The following WDR27 variants were observed in gnomAD, a reference collection of about 807,000 sequenced individuals.
WDR27 encodes the protein WD repeat-containing protein 27.
In WDR27, 100 loss-of-function variants were observed where a neutral mutation model predicts 114.4. That is an observed-to-expected ratio of 0.87 (90% CI 0.74 to 1.03). The LOEUF (loss-of-function observed/expected upper bound fraction) is 1.03, where lower values mean the gene tolerates loss of function less well. Among genes scored for constraint, WDR27 ranks in the 50% least tolerant of loss-of-function variants. WDR27 has a pLI of 0.00. For missense variants in WDR27, 1,129 were observed against 1,092.9 expected (o/e 1.03, Z -0.47); for synonymous variants, 449 against 423.1 (o/e 1.06, Z -0.75).
At chr6:169,427,039 A>C in the WDR27 span, 1 of 152,318 alleles carries the variant, frequency 6.6e-6, no homozygotes, top group East Asian at 1.9e-4. Flanking sequence ...CAGATGAGGA[A>C]GAAATCAGCA....
Position 169,701,708 on chromosome 6 carries a change from G to T in WDR27, c.-165C>A. ...AGGAGGCTTCGGGTGACGAGACAGC[G>T]GGCAACGGCTCTGGTCCAGAGCGCG... is the stretch of plus-strand genomic sequence containing the variant. On this transcript the variant is annotated 5_prime_UTR_variant, in exon 1 of 26. Coordinates refer to ENST00000448612, the MANE Select transcript of WDR27 (RefSeq NM_182552.5). 5.5e-6 allele frequency: 1 copy of T among 181,210 alleles called. No homozygotes were observed. Among genetic ancestry groups the T allele is most frequent in the South Asian group, 8.8e-5 (1 of 11,408 alleles). 11.2% of individuals were successfully genotyped at this position (181,210 alleles called of 1,614,324 possible). A position where few individuals can be genotyped will look rare whatever the true frequency, so the allele number is the denominator to read the frequency against.
chr6:169,529,315 G>GA (rs1007725384), intron 25 of WDR27, among the ~76,000 whole-genome samples: 1 of 94,788 alleles, frequency 1.1e-5, no homozygotes, highest in African/African-American at 7.2e-5. Flanking sequence ...ACCTCTGCGG[G>GA]GGGGGGGGGC....
At chr6:169,429,616 C>T in the WDR27 span, among the ~76,000 whole-genome samples, 1 of 152,124 alleles carries the variant, frequency 6.6e-6, no homozygotes, top group African/African-American at 2.4e-5. Context: ...TCCATCCTGG[C>T]CTCCTTTCTT....
intron 3 of WDR27, chr6:169,671,021 C>A: frequency 4.4e-6 from 1 of 225,350 alleles, no homozygotes; most frequent in Non-Finnish European, 8.7e-6. Context: ...ACATCCAACC[C>A]CATGTCCACC....
At chr6:169,536,649 G>T (rs983509585) in intron 25 of WDR27, among the ~76,000 whole-genome samples, 2 of 152,170 alleles carry the variant, frequency 1.3e-5, no homozygotes, top group African/African-American at 4.8e-5. Context: ...AAGCCAAGAA[G>T]TTTTCTAGGC....
At chr6:169,460,008 G>A (rs1441351560) in intron 25 of WDR27, among the ~76,000 whole-genome samples, 2 of 152,080 alleles carry the variant, frequency 1.3e-5, no homozygotes, top group Non-Finnish European at 2.9e-5. Context: ...GAATTTGAAG[G>A]TGTATGAAAA....
intron 22 of WDR27, among the ~76,000 whole-genome samples, chr6:169,608,796 G>A (rs1809837327): frequency 6.6e-6 from 1 of 152,112 alleles, no homozygotes; most frequent in African/African-American, 2.4e-5. Context: ...ACTCATTTCA[G>A]CATTAACCCA....
chr6:169,572,883 A>G (rs1801684825), intron 24 of WDR27, among the ~76,000 whole-genome samples: 1 of 152,228 alleles, frequency 6.6e-6, no homozygotes, highest in Non-Finnish European at 1.5e-5. Context: ...CACTACTTAT[A>G]GTACCAAAAT....
chr6:169,482,467 A>T (rs955402704), intron 25 of WDR27, among the ~76,000 whole-genome samples: 1 of 152,178 alleles, frequency 6.6e-6, no homozygotes, highest in Non-Finnish European at 1.5e-5. Flanking sequence ...TCTGACTGGT[A>T]TGAGATGGTA....
chr6:169,546,269 C>A (rs1797447191), intron 25 of WDR27, among the ~76,000 whole-genome samples: 1 of 152,194 alleles, frequency 6.6e-6, no homozygotes, highest in Non-Finnish European at 1.5e-5. Context: ...CAACTGCATA[C>A]CTAATTTGCC....
At chr6:169,516,830 CA>C (rs1424754009) in intron 25 of WDR27, among the ~76,000 whole-genome samples, 4 of 151,522 alleles carry the variant, frequency 2.6e-5, no homozygotes, top group Non-Finnish European at 4.4e-5. Flanking sequence ...CACACACACA[CA>C]CACACCCCTC....
At chr6:169,642,581 C>T (rs572116529) in intron 17 of WDR27, among the ~76,000 whole-genome samples, 75 of 152,284 alleles carry the variant, frequency 4.9e-4, no homozygotes, top group African/African-American at 1.7e-3. Context: ...AGGCCAAGCC[C>T]GGAGAACCGT....
intron 23 of WDR27, among the ~76,000 whole-genome samples, chr6:169,592,745 G>A (rs1193911616): frequency 2.0e-5 from 3 of 152,108 alleles, no homozygotes; most frequent in Non-Finnish European, 4.4e-5. Context: ...GAACATTCTG[G>A]CTCTGTTCCC....
At chr6:169,649,675 G>A (rs1821735428) in intron 14 of WDR27, among the ~76,000 whole-genome samples, 1 of 151,896 alleles carries the variant, frequency 6.6e-6, no homozygotes. Flanking sequence ...TCCATACAAA[G>A]CTGCAGATGC....
At chr6:169,641,621 G>A (rs1388836565) in intron 17 of WDR27, among the ~76,000 whole-genome samples, 9 of 152,178 alleles carry the variant, frequency 5.9e-5, no homozygotes, top group Non-Finnish European at 1.5e-5. Flanking sequence ...GGCCGGCGTG[G>A]GCAGTCCCCG....
chr6:169,648,633 C>T (rs923567433), intron 15 of WDR27, among the ~76,000 whole-genome samples: 7 of 152,224 alleles, frequency 4.6e-5, no homozygotes, highest in Non-Finnish European at 7.3e-5. Flanking sequence ...GACCCATGTA[C>T]GTTAAAATGA....
chr6:169,693,394 T>TA (rs1222087484), intron 1 of WDR27, among the ~76,000 whole-genome samples: 1 of 152,162 alleles, frequency 6.6e-6, no homozygotes. Flanking sequence ...CCTTAAAACG[T>TA]AAATCTCACA....
chr6:169,670,213 A>G (rs1056853443), intron 4 of WDR27: 11 of 167,086 alleles, frequency 6.6e-5, no homozygotes, highest in Non-Finnish European at 1.3e-4. Context: ...CTGATTCTTG[A>G]TGAAAAGAAC....
At chr6:169,465,000 TA>T (rs1197716007) in intron 25 of WDR27, among the ~76,000 whole-genome samples, 2 of 151,700 alleles carry the variant, frequency 1.3e-5, no homozygotes, top group Non-Finnish European at 2.9e-5. Context: ...CGCATGCCTG[TA>T]ATCCCAGCAC....
Sources: gnomAD v4.1 joint callset for allele counts (sites outside exome capture counted in the v4.1 genomes callset) on GRCh38, gnomAD v4.1.1 for gene constraint, MANE v1.5 for transcripts, NCBI Gene and HGNC (gene_info 2026-07-23, HGNC 2026-07-21) for gene names.